The following CHD1 variants were observed in gnomAD, a reference collection of about 807,000 sequenced individuals.
The protein encoded by CHD1 is chromodomain helicase DNA binding protein 1, also known as ATP-dependent chromatin remodeler CHD1.
A neutral mutation model predicts 224.2 loss-of-function variants in CHD1; 36 were observed. The observed-to-expected ratio is 0.16, with a 90% confidence interval of 0.12 to 0.21. CHD1 has a LOEUF of 0.21. Among genes scored for constraint, CHD1 ranks in the 10% least tolerant of loss-of-function variants. The probability of loss-of-function intolerance (pLI) is 1.00; values close to 1 mark genes in which losing one functional copy is unlikely to be tolerated. For missense variants in CHD1, 1,378 were observed against 1,994.8 expected (o/e 0.69, Z 5.89); for synonymous variants, 668 against 658.3 (o/e 1.01, Z -0.23).
intron 15 of CHD1, among the ~76,000 whole-genome samples, chr5:98,890,569 C>CTCT (rs1185499498): frequency 2.6e-5 from 4 of 152,150 alleles, no homozygotes; most frequent in African/African-American, 9.7e-5. Flanking sequence ...ATGACTAGCA[C>CTCT]TAAGAGAATT....
chr5:98,892,793 G>T (rs1382425085), intron 14 of CHD1, 80 bp from the exon 15 acceptor site: 12 of 846,602 alleles, frequency 1.4e-5, no homozygotes, highest in Non-Finnish European at 2.0e-5. Flanking sequence ...TTTTTTAGGG[G>T]AGTCATTTAT....
intron 2 of CHD1, among the ~76,000 whole-genome samples, chr5:98,924,624 A>T (rs1372474111): frequency 1.3e-5 from 2 of 152,192 alleles, no homozygotes; most frequent in Non-Finnish European, 1.5e-5. Context: ...GTTCTTGCTT[A>T]TCCAAACAGT....
At chr5:98,868,969 G>T in intron 30 of CHD1, 1 of 787,474 alleles carries the variant, frequency 1.3e-6, no homozygotes, top group Non-Finnish European at 1.5e-6. Context: ...ATGTAAATAT[G>T]CTGATTGTTT....
chr5:98,856,421 T>C lies in CHD1; in HGVS notation c.5092A>G (p.Lys1698Glu). ...CTCCAGGTATGCTCCGGTGTACTTT[T>C]GTGTTCAACTGAATGTTCAAATGGA... ...RSPFEHSVEH[K>E]STPEHTWSSR... The change falls in exon 36 of 36, where the codon AAA becomes GAA. Residue 1698 changes from lysine (K) to glutamate (E), a missense_variant. Around this residue, in one of 16 missense-constraint regions of CHD1, gnomAD observed 278 missense variants for 298.5 expected, o/e 0.93. Transcript: ENST00000614616. 6.2e-7 allele frequency: 1 copy of C among 1,613,434 alleles called. No homozygotes were observed. The highest frequency in any genetic ancestry group is 1.3e-5 in the African/African-American group (1 of 74,880).
At chr5:98,869,727 GGTT>G (rs1749188975) in intron 30 of CHD1, 24 bp downstream of exon 30, 6 of 1,608,212 alleles carry the variant, frequency 3.7e-6, no homozygotes, top group South Asian at 1.1e-5. Context: ...CCATAGAAAA[GGTT>G]GTTGTTCTAA....
rs892493830 is a variant in CHD1, at chr5:98,872,313, T to C, written c.3710+104A>G. The C allele has an allele frequency of 5.7e-6, 7 of 1,228,020 alleles. No homozygotes were observed. The East Asian group carries it at 1.3e-4, about 23-fold the overall frequency. The allele number at this position is 1,228,020 out of a possible 1,614,324, so 76.1% of individuals were successfully genotyped here. A position where few individuals can be genotyped will look rare whatever the true frequency, so the allele number is the denominator to read the frequency against. ...CAAAATAATATGCTTTATTTCTTCC[T>C]TTTTTTTTTCAAAACTAGCCAATAA... On this transcript the variant is annotated intron_variant, in intron 27 of 35. Coordinates refer to ENST00000614616, the MANE Select transcript of CHD1 (RefSeq NM_001270.4).
In CHD1 at chr5:98,885,868, C is replaced by T. The variant is rs1024114080; in HGVS notation, c.2497-219G>A. ...CCCTCAAGAGTAAATACAGCATAGG[C>T]TGTCATACTATTCTGCCTGAGTCCC... On this transcript the variant is annotated intron_variant, in intron 17 of 35. Transcript: ENST00000614616. 6.3e-6 allele frequency: 3 copies of T among 479,584 alleles called. No individual in the cohort carries two copies. In the Admixed American group the frequency reaches 1.1e-4, roughly 18 times the overall value. The allele number at this position is 479,584 out of a possible 1,614,324, so 29.7% of individuals were successfully genotyped here.
chr5:98,864,687 C>CA (rs996268761), intron 31 of CHD1, among the ~76,000 whole-genome samples: 1 of 151,834 alleles, frequency 6.6e-6, no homozygotes, highest in African/African-American at 2.4e-5. Flanking sequence ...GACCCTATTT[C>CA]AAAAAAATAA....
intron 1 of CHD1, among the ~76,000 whole-genome samples, chr5:98,928,237 C>G (rs957751451): frequency 6.6e-6 from 1 of 152,000 alleles, no homozygotes; most frequent in South Asian, 2.1e-4. Context: ...AGGACCCACG[C>G]ACCGGCTAAG....
Position 98,858,403 on chromosome 5 carries a change from T to G in CHD1, c.4577-13A>C, listed in dbSNP as rs1561473855. 6.3e-7 allele frequency: 1 copy of G among 1,591,760 alleles called. No individual in the cohort carries two copies. The highest frequency in any genetic ancestry group is 2.2e-5 in the East Asian group (1 of 44,674). On this transcript the variant is annotated splice_polypyrimidine_tract_variant and intron_variant, in intron 34 of 35. Transcript: ENST00000614616. ...AATCTTTCCACATCTGTTAGATAAG[T>G]ACAACTTTTATTAATGACCTTAAAA...
At chr5:98,891,235 G>A (rs1340483062) in intron 15 of CHD1, among the ~76,000 whole-genome samples, 1 of 151,912 alleles carries the variant, frequency 6.6e-6, no homozygotes, top group African/African-American at 2.4e-5. Flanking sequence ...CACCACTCCT[G>A]GCTAAGTTTT....
At chr5:98,860,163 T>TAC in intron 32 of CHD1, 95 bp from the exon 33 acceptor site, 1 of 710,236 alleles carries the variant, frequency 1.4e-6, no homozygotes, top group Non-Finnish European at 2.6e-6. Context: ...CAAACACATA[T>TAC]ACACATACAC....
chr5:98,901,996 T>C (rs1051617502), intron 5 of CHD1, among the ~76,000 whole-genome samples: 1 of 152,108 alleles, frequency 6.6e-6, no homozygotes, highest in Non-Finnish European at 1.5e-5. Flanking sequence ...TTGCACCAAT[T>C]GTAACTATGA....
chr5:98,889,749 T>C (rs1162430873), intron 15 of CHD1: 2 of 152,318 alleles, frequency 1.3e-5, no homozygotes, highest in Non-Finnish European at 1.5e-5. Flanking sequence ...TTCGGCAGCA[T>C]TTATACTAAA....
Position 98,899,687 on chromosome 5 carries a change from G to T in CHD1, c.878C>A (p.Thr293Asn). Reference protein sequence around the residue: ...GRKGATGATTTIYAVEADGDP... With the variant: ...GRKGATGATTNIYAVEADGDP... ...ACCATCTGCTTCAACTGCATAGATG[G>T]TTGTAGTAGCACCAGTAGCTGAAAA... is the stretch of plus-strand genomic sequence containing the variant. Residue 293 changes from threonine to asparagine, a missense_variant, in exon 8 of 36, where the codon ACC becomes AAC. Physicochemically the swap from Thr to Asn is moderately conservative, Grantham distance 65 (BLOSUM62 0). Around this residue, in one of 16 missense-constraint regions of CHD1, gnomAD observed 40 missense variants for 60.0 expected, o/e 0.67. Coordinates refer to ENST00000614616, the MANE Select transcript of CHD1 (RefSeq NM_001270.4). 1 of 1,612,750 alleles carries T rather than the reference G, an allele frequency of 6.2e-7. No individual in the cohort carries two copies.
chr5:98,899,156 CA>C (rs1363222284), intron 8 of CHD1, among the ~76,000 whole-genome samples: 1 of 152,164 alleles, frequency 6.6e-6, no homozygotes, highest in African/African-American at 2.4e-5. Context: ...AACCCACACA[CA>C]TCCTCCCCCA....
rs558858972 is a variant in CHD1 at position 98,872,042 on chromosome 5, G to A, written c.3861+9C>T. 3 of 1,597,330 alleles carry A rather than the reference G, an allele frequency of 1.9e-6. No individual in the cohort carries two copies. Among genetic ancestry groups the A allele is most frequent in the East Asian group, 4.5e-5 (2 of 44,470 alleles). The stretch of plus-strand genomic sequence containing the variant: ...TGAATGGTTAACAGAATCAGAAATA[G>A]ATAAATACCTTGTGTGTTAGACTGA... On this transcript the variant is annotated intron_variant, in intron 28 of 35. Coordinates refer to ENST00000614616, the MANE Select transcript of CHD1 (RefSeq NM_001270.4).
chr5:98,862,964 C>T (rs779751355), intron 32 of CHD1, among the ~76,000 whole-genome samples: 2 of 152,034 alleles, frequency 1.3e-5, no homozygotes, highest in Admixed American at 6.6e-5. Flanking sequence ...ACTACATTAC[C>T]TTTATTTTCC....
chr5:98,879,522 A>G, intron 23 of CHD1, 30 bp downstream of exon 23: 1 of 1,568,144 alleles, frequency 6.4e-7, no homozygotes, highest in Non-Finnish European at 8.6e-7. Flanking sequence ...CTCTTACTTT[A>G]TAGAAATATC....
Sources: gnomAD v4.1 joint callset for allele counts (sites outside exome capture counted in the v4.1 genomes callset) on GRCh38, gnomAD v4.1.1 for gene constraint, gnomAD v4.1.1 regional missense constraint, MANE v1.5 for transcripts, NCBI Gene and HGNC (gene_info 2026-07-23, HGNC 2026-07-21) for gene names.